FMN2: variants seen among roughly 807,000 people sequenced by gnomAD.
FMN2 encodes formin 2, also known as formin-2.
FMN2 carries 51 observed loss-of-function variants against 142.3 expected under a neutral mutation model. The ratio of observed to expected loss-of-function variants is 0.36; its 90% confidence interval spans 0.29 to 0.45. The LOEUF (loss-of-function observed/expected upper bound fraction) is 0.45. FMN2 is among the 20% of genes least tolerant of loss of function. FMN2 has a pLI of 1.00. For synonymous variants in FMN2, 882 were observed against 869.8 expected (o/e 1.01, Z -0.25); for missense variants, 1,936 against 2,122.8 (o/e 0.91, Z 1.73).
At chr1:240,398,755 C>G (rs1673875567) in intron 15 of FMN2, among the ~76,000 whole-genome samples, 1 of 152,104 alleles carries the variant, frequency 6.6e-6, no homozygotes, top group Non-Finnish European at 1.5e-5. Context: ...AGCTCTATGA[C>G]CTTAGACCAA....
At chr1:240,337,203 CTTTTTTTTT>C (rs752506621) in intron 13 of FMN2, among the ~76,000 whole-genome samples, 4 of 90,576 alleles carry the variant, frequency 4.4e-5, no homozygotes, top group African/African-American at 1.1e-4. Flanking sequence ...TATTCCTTTT[CTTTTTTTTT>C]TTTTTTTTTT....
chr1:240,338,851 A>G (rs1671653321), intron 13 of FMN2, among the ~76,000 whole-genome samples: 1 of 152,210 alleles, frequency 6.6e-6, no homozygotes, highest in Non-Finnish European at 1.5e-5. Flanking sequence ...ACAACTCATC[A>G]TAATGAAGAA....
chr1:240,396,523 C>T (rs187392338), intron 15 of FMN2, among the ~76,000 whole-genome samples: 6 of 151,584 alleles, frequency 4.0e-5, no homozygotes, highest in Admixed American at 3.9e-4. Context: ...GTACATTGCA[C>T]GACACTGAGG....
chr1:240,416,567 C>G (rs1357023278), intron 15 of FMN2, among the ~76,000 whole-genome samples: 2 of 152,104 alleles, frequency 1.3e-5, no homozygotes, highest in African/African-American at 4.8e-5. Flanking sequence ...ACCATGCGCC[C>G]AGCCTCCCTT....
intron 14 of FMN2, among the ~76,000 whole-genome samples, chr1:240,387,319 C>T (rs10926236): frequency 0.022 from 3,299 of 152,228 alleles, 111 homozygotes; most frequent in African/African-American, 0.076. Context: ...TGAATAATTA[C>T]CCACAGTATG....
intron 3 of FMN2, chr1:240,180,256 TC>T: frequency 6.1e-6 from 6 of 980,958 alleles, no homozygotes; most frequent in Non-Finnish European, 8.4e-6. Context: ...TAGCATTTTT[TC>T]ATCAGAGTGA....
intron 15 of FMN2, among the ~76,000 whole-genome samples, chr1:240,408,036 A>G (rs1357093144): frequency 2.0e-5 from 3 of 152,178 alleles, no homozygotes; most frequent in Admixed American, 1.3e-4. Flanking sequence ...TTAACCCACT[A>G]AAACAGCTCC....
In FMN2 at chr1:240,092,778, G is replaced by A; in HGVS notation, c.669G>A (p.Gln223=). 4 of 1,606,374 alleles carry A rather than the reference G, an allele frequency of 2.5e-6. No homozygotes were observed. The highest frequency in any genetic ancestry group is 3.4e-6 in the Non-Finnish European group (4 of 1,176,726). Residue 223 remains glutamine, a synonymous_variant, in exon 1 of 18, where the codon CAG becomes CAA. Coordinates refer to ENST00000319653, the MANE Select transcript of FMN2 (RefSeq NM_020066.5). ...TCCAGCTCCAGCAACAGCAGCAGCA[G>A]CAGCAGCTCCAGGGCGCCGAGGAGC... ...LQLQLQQQQQ[Q]QQLQGAEEPA...
intron 7 of FMN2, among the ~76,000 whole-genome samples, chr1:240,263,636 C>G (rs1346149485): frequency 6.6e-6 from 1 of 152,160 alleles, no homozygotes; most frequent in Non-Finnish European, 1.5e-5. Context: ...GGAGAATGGC[C>G]TTTCTTGCGT....
chr1:240,460,010 C>T (rs988237389), intron 16 of FMN2, among the ~76,000 whole-genome samples: 16 of 152,242 alleles, frequency 1.1e-4, no homozygotes, highest in African/African-American at 3.6e-4. Flanking sequence ...CAATTCACAT[C>T]CTTTATTTAG....
intron 1 of FMN2, among the ~76,000 whole-genome samples, chr1:240,103,953 T>A (rs1057116880): frequency 6.6e-6 from 1 of 151,866 alleles, no homozygotes; most frequent in Non-Finnish European, 1.5e-5. Context: ...CTCGGCTCAC[T>A]GCAAGCTCCG....
intron 2 of FMN2, chr1:240,143,774 G>A (rs1663298489): frequency 1.3e-6 from 2 of 1,513,904 alleles, no homozygotes; most frequent in Middle Eastern, 1.7e-4. Flanking sequence ...GATAGTGGAA[G>A]TTACATCTCC....
intron 2 of FMN2, among the ~76,000 whole-genome samples, chr1:240,167,445 G>A (rs566121745): frequency 6.6e-6 from 1 of 152,142 alleles, no homozygotes; most frequent in Admixed American, 6.5e-5. Context: ...ATAGTGCCTG[G>A]CCTATTTGTA....
rs191758509 is a variant in FMN2 at position 240,112,891 on chromosome 1, G to C, written c.1616-10288G>C. Among the ~76,000 whole-genome samples, 415 of 152,338 alleles carry C rather than the reference G, an allele frequency of 2.7e-3. 4 individuals carry two copies. Among genetic ancestry groups the C allele is most frequent in the African/African-American group, 9.4e-3 (390 of 41,592 alleles). The stretch of plus-strand genomic sequence containing the variant: ...CACCAGCTCCTGCTGTGAAATGGCT[G>C]CTGCCCACAGGCAGTGTTTTGTGAG... On this transcript the variant is annotated intron_variant, in intron 1 of 17. Transcript: ENST00000319653.
At chr1:240,373,634 C>T (rs4659970) in intron 14 of FMN2, among the ~76,000 whole-genome samples, 47,958 of 152,006 alleles carry the variant, frequency 0.32, 7,919 homozygotes, top group Admixed American at 0.44. Context: ...TCATCATGAG[C>T]GATTTGCTGC....
intron 15 of FMN2, among the ~76,000 whole-genome samples, chr1:240,393,186 C>T (rs1049869158): frequency 7.4e-5 from 11 of 148,852 alleles, no homozygotes; most frequent in African/African-American, 2.5e-4. Context: ...TTTTTTTTCA[C>T]AAATTGAAGG....
chr1:240,143,990 A>G (rs1326711360), intron 2 of FMN2: 36 of 1,299,022 alleles, frequency 2.8e-5, no homozygotes, highest in Admixed American at 2.0e-4. Context: ...AAGCAGTCCC[A>G]GAGCAGGGAC....
intron 7 of FMN2, among the ~76,000 whole-genome samples, chr1:240,287,294 G>A (rs1041019401): frequency 2.0e-5 from 3 of 152,156 alleles, no homozygotes; most frequent in Non-Finnish European, 4.4e-5. Context: ...TGCTACATAA[G>A]ATGAGTGTCT....
At chr1:240,200,919 C>A in intron 4 of FMN2, among the ~76,000 whole-genome samples, 1 of 152,130 alleles carries the variant, frequency 6.6e-6, no homozygotes, top group East Asian at 1.9e-4. Context: ...CTTCCACCTT[C>A]CTGGCACCAC....
Sources: gnomAD v4.1 joint callset for allele counts (sites outside exome capture counted in the v4.1 genomes callset) on GRCh38, gnomAD v4.1.1 for gene constraint, MANE v1.5 for transcripts, NCBI Gene and HGNC (gene_info 2026-07-23, HGNC 2026-07-21) for gene names.